The following INKA2 variants were observed in gnomAD, a reference collection of about 807,000 sequenced individuals.
The protein encoded by INKA2 is PAK4-inhibitor INKA2.
INKA2 carries 3 observed loss-of-function variants against 9.8 expected under a neutral mutation model. The ratio of observed to expected loss-of-function variants is 0.31; its 90% CI spans 0.14 to 0.79. INKA2 has a LOEUF of 0.79. Among genes scored for constraint, INKA2 ranks in the 30% least tolerant of loss-of-function variants. The probability of loss-of-function intolerance (pLI) is 0.62; values close to 1 mark genes in which losing one functional copy is unlikely to be tolerated. For missense variants in INKA2, 392 were observed against 384.4 expected (o/e 1.02, Z -0.17); for synonymous variants, 147 against 143.3 (o/e 1.03, Z -0.18).
At chr1:111,729,951 C>A (rs960906236) in intron 1 of INKA2, among the ~76,000 whole-genome samples, 2 of 152,246 alleles carry the variant, frequency 1.3e-5, no homozygotes, top group Non-Finnish European at 2.9e-5. Flanking sequence ...GTGGAGATTG[C>A]CCACGCTCTG....
upstream of INKA2, among the ~76,000 whole-genome samples, chr1:111,743,465 C>T (rs1310151905): frequency 1.3e-5 from 2 of 152,162 alleles, no homozygotes; most frequent in Non-Finnish European, 2.9e-5. Context: ...CCCCCTTTGT[C>T]CCACTGCCAG....
intron 1 of INKA2, among the ~76,000 whole-genome samples, chr1:111,749,747 C>T (rs1663357881): frequency 6.6e-6 from 1 of 152,124 alleles, no homozygotes; most frequent in Non-Finnish European, 1.5e-5. Flanking sequence ...ATTCAGAGTT[C>T]CCCTCCCTGC....
At chr1:111,742,060 C>T (rs1021140075), upstream of INKA2, among the ~76,000 whole-genome samples, 2 of 152,032 alleles carry the variant, frequency 1.3e-5, no homozygotes, top group African/African-American at 2.4e-5. Flanking sequence ...CAGTTTTCTC[C>T]ATCTCTGAGA....
At chr1:111,742,165 G>A (rs540214242), upstream of INKA2, among the ~76,000 whole-genome samples, 3 of 152,204 alleles carry the variant, frequency 2.0e-5, no homozygotes, top group Non-Finnish European at 2.9e-5. Flanking sequence ...AGGACTGGGC[G>A]GTTGGGTCTT....
At position 111,726,149 on chromosome 1, in the gene INKA2, T is replaced by C. The variant is rs1662764534; in HGVS notation, c.*819A>G. 1 of 398,546 alleles carries C rather than the reference T, an allele frequency of 2.5e-6. No homozygotes were observed. Among genetic ancestry groups the C allele is most frequent in the Non-Finnish European group, 4.4e-6 (1 of 225,996 alleles). The allele number at this position is 398,546 out of a possible 1,614,324, so 24.7% of individuals were successfully genotyped here. A position where few individuals can be genotyped will look rare whatever the true frequency, so the allele number is the denominator to read the frequency against. On this transcript the variant is annotated 3_prime_UTR_variant, in exon 2 of 2. Coordinates refer to ENST00000357260, the MANE Select transcript of INKA2 (RefSeq NM_019099.5). The stretch of plus-strand genomic sequence containing the variant: ...TCCTGGCTGCAGTTGTTCCTGGACA[T>C]GTAGCATATCTAGGCTTGTTTCCTT...
chr1:111,743,785 C>G (rs188543338), upstream of INKA2, among the ~76,000 whole-genome samples: 3 of 152,358 alleles, frequency 2.0e-5, no homozygotes, highest in Non-Finnish European at 1.5e-5. Flanking sequence ...CATCACCCTC[C>G]CAAGGGCAGG....
intron 1 of INKA2, among the ~76,000 whole-genome samples, chr1:111,737,462 G>T (rs1299217444): frequency 6.6e-6 from 1 of 152,246 alleles, no homozygotes; most frequent in Non-Finnish European, 1.5e-5. Flanking sequence ...TGAGGTGGGT[G>T]GTGTAGTCCC....
At position 111,723,268 on chromosome 1, in the gene INKA2, G is replaced by C; in HGVS notation, c.*3700C>G. 1 of 577,504 alleles carries C rather than the reference G, an allele frequency of 1.7e-6. No individual in the cohort carries two copies. Among genetic ancestry groups the C allele is most frequent in the African/African-American group, 1.9e-5 (1 of 52,134 alleles). 35.8% of individuals were successfully genotyped at this position (577,504 alleles called of 1,614,324 possible). On this transcript the variant is annotated 3_prime_UTR_variant, in exon 2 of 2. Transcript: ENST00000357260. ...AACAAGGCCCTAGGGAGGAGATGGGGATGTGGAGAGGACAGAGCAACCTTC... is the reference window on the plus strand; with the variant it reads ...AACAAGGCCCTAGGGAGGAGATGGGCATGTGGAGAGGACAGAGCAACCTTC...
At chr1:111,734,512 C>T (rs75382598) in intron 1 of INKA2, among the ~76,000 whole-genome samples, 5,465 of 152,270 alleles carry the variant, frequency 0.036, 134 homozygotes, top group East Asian at 0.079. Flanking sequence ...CACCTCTACC[C>T]CATATCACCT....
intron 1 of INKA2, among the ~76,000 whole-genome samples, chr1:111,738,954 GTC>G (rs1046134453): frequency 6.6e-6 from 1 of 152,158 alleles, no homozygotes; most frequent in Non-Finnish European, 1.5e-5. Flanking sequence ...TGCTCCCTCT[GTC>G]TCTCTGTCAC....
chr1:111,748,028 T>C (rs1663311616), intron 1 of INKA2, among the ~76,000 whole-genome samples: 1 of 152,192 alleles, frequency 6.6e-6, no homozygotes, highest in Admixed American at 6.5e-5. Context: ...TGAAATGTAA[T>C]TAGGTAGAGT....
intron 1 of INKA2, among the ~76,000 whole-genome samples, chr1:111,734,769 T>C (rs1662978696): frequency 6.6e-6 from 1 of 152,242 alleles, no homozygotes; most frequent in Admixed American, 6.5e-5. Flanking sequence ...TGTCCCTATT[T>C]ATCCCTCAAA....
At position 111,724,305 on chromosome 1, in the gene INKA2, T is replaced by A. The variant is rs535068084; in HGVS notation, c.*2663A>T. On this transcript the variant is annotated 3_prime_UTR_variant, in exon 2 of 2. Transcript: ENST00000357260. ...CTCATTGCTCTGTTCTTAGTTTCTA[T>A]AACAACACCTGGTGCTGGGAGGTGT... 4 of 152,376 alleles carry A rather than the reference T, an allele frequency of 2.6e-5. No homozygotes were observed. In the East Asian group the frequency reaches 7.7e-4, roughly 29 times the overall value. The allele number at this position is 152,376 out of a possible 1,614,324, so 9.4% of individuals were successfully genotyped here.
At position 111,727,250 on chromosome 1, in the gene INKA2, G is replaced by A. The variant is rs197434; in HGVS notation, c.612C>T (p.Phe204=). The change falls in exon 2 of 2, where the codon TTC becomes TTT. Residue 204 remains phenylalanine (F), a synonymous_variant. Coordinates refer to ENST00000357260, the MANE Select transcript of INKA2 (RefSeq NM_019099.5). ...TCTTAAAGATGTTTGCTGTCAGGGCGAACCTGCGGCCCAGCTCCTGGGGCT... is the reference window on the plus strand; with the variant it reads ...TCTTAAAGATGTTTGCTGTCAGGGCAAACCTGCGGCCCAGCTCCTGGGGCT... ...KGQPQELGRR[F]ALTANIFKKF... 1,341,600 of 1,614,070 alleles carry A rather than the reference G, an allele frequency of 0.83. 559,069 individuals carry two copies. The highest frequency in any genetic ancestry group is 0.94 in the African/African-American group (70,497 of 75,026).
chr1:111,739,227 T>C lies in INKA2; in HGVS notation c.16A>G (p.Arg6Gly). 1 of 1,613,748 alleles carries C rather than the reference T, an allele frequency of 6.2e-7. No individual in the cohort carries two copies. Among genetic ancestry groups the C allele is most frequent in the Non-Finnish European group, 8.5e-7 (1 of 1,179,768 alleles). The change falls in exon 1 of 2, where the codon AGG (arginine) becomes GGG (glycine). Residue 6 changes from arginine (R) to glycine (G), a missense_variant. Arg to Gly is a moderately radical substitution (Grantham distance 125). Coordinates refer to ENST00000357260, the MANE Select transcript of INKA2 (RefSeq NM_019099.5). ...CGACGGAGATAGCAGTCCATTTCCCTGCTCTCCATCGTCATGCGCCCATTT... is the reference window on the plus strand; with the variant it reads ...CGACGGAGATAGCAGTCCATTTCCCCGCTCTCCATCGTCATGCGCCCATTT... The part of the protein sequence containing the change: MTMES[R>G]EMDCYLRRLK...
chr1:111,750,818 C>T (rs1482039244), intron 1 of INKA2, among the ~76,000 whole-genome samples: 2 of 152,194 alleles, frequency 1.3e-5, no homozygotes, highest in Non-Finnish European at 2.9e-5. Flanking sequence ...TAACACTACC[C>T]CCCTTTGGAA....
At chr1:111,734,741 CTCT>C (rs1472535468) in intron 1 of INKA2, among the ~76,000 whole-genome samples, 2 of 152,224 alleles carry the variant, frequency 1.3e-5, no homozygotes, top group South Asian at 2.1e-4. Context: ...GCCTGGATTG[CTCT>C]TCTTCTGCTG....
At chr1:111,741,651 T>G (rs943450493), upstream of INKA2, among the ~76,000 whole-genome samples, 1 of 152,198 alleles carries the variant, frequency 6.6e-6, no homozygotes. Flanking sequence ...CCATCTCCAG[T>G]CTCCAGCACG....
chr1:111,742,411 C>A (rs569817634), upstream of INKA2, among the ~76,000 whole-genome samples: 1 of 152,244 alleles, frequency 6.6e-6, no homozygotes, highest in South Asian at 2.1e-4. Context: ...ATGGTGAAAA[C>A]CCGTCTCTAC....
Sources: allele counts gnomAD v4.1 joint callset (sites outside exome capture counted in the v4.1 genomes callset), GRCh38; gene constraint gnomAD v4.1.1; transcripts MANE v1.5; gene names NCBI Gene and HGNC (gene_info 2026-07-23, HGNC 2026-07-21).